The following COX10 variants were observed in gnomAD, a reference collection of about 807,000 sequenced individuals.
COX10 encodes the protein cytochrome c oxidase assembly factor heme A:farnesyltransferase COX10, also known as protoheme IX farnesyltransferase, mitochondrial.
In COX10, 27 loss-of-function variants were observed where a neutral mutation model predicts 37.3. That is an observed-to-expected ratio of 0.72 (90% CI 0.53 to 1.00). COX10 has a LOEUF of 1.00. Among genes scored for constraint, COX10 ranks in the 50% least tolerant of loss-of-function variants. The pLI is 0.00. For synonymous variants in COX10, 222 were observed against 229.1 expected (o/e 0.97, Z 0.28); for missense variants, 475 against 563.2 (o/e 0.84, Z 1.59).
intron 4 of COX10, among the ~76,000 whole-genome samples, chr17:14,110,444 A>T (rs1915984820): frequency 6.6e-6 from 1 of 151,966 alleles, no homozygotes; most frequent in Non-Finnish European, 1.5e-5. Context: ...ATTAATTGAG[A>T]CATAATGGAA....
chr17:14,145,693 G>A (rs770703223), intron 4 of COX10, among the ~76,000 whole-genome samples: 3 of 152,136 alleles, frequency 2.0e-5, no homozygotes, highest in African/African-American at 7.2e-5. Flanking sequence ...ATGCTAGAAA[G>A]TAACATGATA....
chr17:14,138,582 A>C (rs1904448073), intron 4 of COX10, among the ~76,000 whole-genome samples: 1 of 152,180 alleles, frequency 6.6e-6, no homozygotes, highest in African/African-American at 2.4e-5. Flanking sequence ...AAGTAAACAT[A>C]GATTTCTGTG....
intron 4 of COX10, among the ~76,000 whole-genome samples, chr17:14,131,318 T>A (rs1916460230): frequency 6.6e-6 from 1 of 152,118 alleles, no homozygotes; most frequent in Non-Finnish European, 1.5e-5. Flanking sequence ...GGTAGTTCTA[T>A]CTGTATATAT....
chr17:14,101,737 C>G (rs757832634), intron 3 of COX10, among the ~76,000 whole-genome samples: 1 of 152,106 alleles, frequency 6.6e-6, no homozygotes, highest in Non-Finnish European at 1.5e-5. Flanking sequence ...GCATATCTGC[C>G]GTCTCCCTTT....
At chr17:14,103,392 G>C (rs186226165) in intron 4 of COX10, among the ~76,000 whole-genome samples, 1 of 151,992 alleles carries the variant, frequency 6.6e-6, no homozygotes, top group Non-Finnish European at 1.5e-5. Context: ...CCTCTATTTG[G>C]TTATACATCT....
At chr17:14,201,507 A>C (rs960369811) in intron 6 of COX10, among the ~76,000 whole-genome samples, 2 of 152,238 alleles carry the variant, frequency 1.3e-5, no homozygotes, top group Non-Finnish European at 2.9e-5. Flanking sequence ...TATTTTAAGC[A>C]GAAGCATTAC....
intron 6 of COX10, among the ~76,000 whole-genome samples, chr17:14,201,564 CA>C (rs1227626473): frequency 6.6e-6 from 1 of 152,078 alleles, no homozygotes; most frequent in Admixed American, 6.5e-5. Context: ...TTGACACACA[CA>C]AAAAAGGAGG....
intron 4 of COX10, among the ~76,000 whole-genome samples, chr17:14,137,026 G>A (rs1374237229): frequency 1.3e-5 from 2 of 151,806 alleles, no homozygotes; most frequent in African/African-American, 4.8e-5. Flanking sequence ...GGAATTTAAT[G>A]GGTAAAGATG....
In COX10 at chr17:14,159,945, C is replaced by A. The variant is rs747531770; in HGVS notation, c.693C>A (p.Ile231=). The stretch of plus-strand genomic sequence containing the variant: ...ACAGACCGCTGGTTCGTGGACAGAT[C>A]AGGTAAAATCACGAATACAAGTGTC... The part of the protein sequence containing the change: ...TKNRPLVRGQ[I]SPLLAVSFAT... Residue 231 remains isoleucine, a splice_region_variant and synonymous_variant, in exon 5 of 7, where the codon ATC becomes ATA. Transcript: ENST00000261643. 4 of 1,610,990 alleles carry A rather than the reference C, an allele frequency of 2.5e-6. No individual in the cohort carries two copies. The highest frequency in any genetic ancestry group is 3.4e-6 in the Non-Finnish European group (4 of 1,178,654).
At chr17:14,112,044 C>T (rs991356843) in intron 4 of COX10, among the ~76,000 whole-genome samples, 1 of 152,058 alleles carries the variant, frequency 6.6e-6, no homozygotes, top group South Asian at 2.1e-4. Flanking sequence ...TGATTGAGCG[C>T]GTGGCTGAAG....
chr17:14,169,655 TATA>T (rs1905398904), intron 5 of COX10, among the ~76,000 whole-genome samples: 1 of 152,210 alleles, frequency 6.6e-6, no homozygotes, highest in South Asian at 2.1e-4. Context: ...TCGTTCTGGC[TATA>T]ATGTTTGTTG....
chr17:14,198,725 T>C (rs1906441400), intron 6 of COX10, among the ~76,000 whole-genome samples: 1 of 152,208 alleles, frequency 6.6e-6, no homozygotes. Flanking sequence ...CCCTTATTCC[T>C]GGATGAGAAA....
At chr17:14,175,941 A>G (rs1196304062) in intron 5 of COX10, among the ~76,000 whole-genome samples, 2 of 152,068 alleles carry the variant, frequency 1.3e-5, no homozygotes, top group Non-Finnish European at 2.9e-5. Flanking sequence ...GCACAAGATG[A>G]AGACAGAAGG....
intron 5 of COX10, among the ~76,000 whole-genome samples, chr17:14,161,327 A>T (rs565629128): frequency 9.9e-5 from 15 of 152,284 alleles, no homozygotes; most frequent in Admixed American, 9.8e-4. Context: ...CTAATGTCCA[A>T]AGGCCCGAAA....
intron 4 of COX10, among the ~76,000 whole-genome samples, chr17:14,148,324 A>T (rs574351993): frequency 6.6e-6 from 1 of 152,330 alleles, no homozygotes; most frequent in African/African-American, 2.4e-5. Context: ...AGAATTGGTA[A>T]CCAGAGAGTA....
At chr17:14,162,622 CTTTT>C (rs57058201) in intron 5 of COX10, among the ~76,000 whole-genome samples, 1 of 145,268 alleles carries the variant, frequency 6.9e-6, no homozygotes, top group Non-Finnish European at 1.5e-5. Flanking sequence ...ACTATCCCTG[CTTTT>C]TTTTTTTTTT....
chr17:14,170,837 C>G (rs1243398844), intron 5 of COX10, among the ~76,000 whole-genome samples: 2 of 151,954 alleles, frequency 1.3e-5, no homozygotes, highest in Non-Finnish European at 2.9e-5. Flanking sequence ...AAAATTCTAA[C>G]CTGTTCATCT....
intron 3 of COX10, among the ~76,000 whole-genome samples, chr17:14,095,104 C>G (rs1013721325): frequency 6.6e-6 from 1 of 152,166 alleles, no homozygotes; most frequent in African/African-American, 2.4e-5. Flanking sequence ...AAGGAACTGT[C>G]GAACAGCTAG....
chr17:14,095,175 A>G (rs1042965930), intron 3 of COX10, among the ~76,000 whole-genome samples: 1 of 152,200 alleles, frequency 6.6e-6, no homozygotes, highest in Non-Finnish European at 1.5e-5. Flanking sequence ...CCAGATTTGG[A>G]GAGACTATAC....
Sources: allele counts gnomAD v4.1 joint callset (sites outside exome capture counted in the v4.1 genomes callset), GRCh38; gene constraint gnomAD v4.1.1; transcripts MANE v1.5; gene names NCBI Gene and HGNC (gene_info 2026-07-23, HGNC 2026-07-21).